The following ATP9A variants were observed in gnomAD, a reference collection of about 807,000 sequenced individuals.
ATP9A encodes ATPase phospholipid transporting 9A, also known as probable phospholipid-transporting ATPase IIA.
A neutral mutation model predicts 144.1 loss-of-function variants in ATP9A; 52 were observed. That is an observed-to-expected ratio of 0.36 (90% CI 0.29 to 0.45). ATP9A has a LOEUF of 0.45. Ranked by LOEUF, ATP9A falls within the 20% of genes least tolerant of loss-of-function variation. The pLI is 1.00. For missense variants in ATP9A, 947 were observed against 1,392.7 expected, an observed-to-expected ratio of 0.68 and a Z score of 5.09; for synonymous variants, 582 against 557.4, an observed-to-expected ratio of 1.04 and a Z score of -0.62.
chr20:51,693,685 A>G (rs571848817), intron 7 of ATP9A, among the ~76,000 whole-genome samples: 2 of 152,284 alleles, frequency 1.3e-5, no homozygotes, highest in Admixed American at 1.3e-4. Context: ...CTACAGGTGC[A>G]TGCCGCTGAG....
intron 14 of ATP9A, among the ~76,000 whole-genome samples, chr20:51,654,004 A>G (rs1190917973): frequency 6.6e-6 from 1 of 152,192 alleles, no homozygotes; most frequent in Non-Finnish European, 1.5e-5. Flanking sequence ...CTGCCAAGCC[A>G]CAGAAAGAAG....
intron 26 of ATP9A, among the ~76,000 whole-genome samples, chr20:51,606,996 G>A (rs1002213651): frequency 2.0e-5 from 3 of 150,692 alleles, no homozygotes; most frequent in African/African-American, 7.3e-5. Context: ...AGGATTCTGG[G>A]CATGGTGGCT....
intron 14 of ATP9A, among the ~76,000 whole-genome samples, chr20:51,645,353 C>G (rs1211225687): frequency 6.6e-6 from 1 of 152,164 alleles, no homozygotes; most frequent in Non-Finnish European, 1.5e-5. Context: ...AACCCTGTCT[C>G]TACTAAAGAT....
At chr20:51,684,740 G>C (rs1168912283) in intron 9 of ATP9A, among the ~76,000 whole-genome samples, 2 of 150,354 alleles carry the variant, frequency 1.3e-5, no homozygotes, top group Non-Finnish European at 3.0e-5. Context: ...CCTGGGCGCG[G>C]TGGCTCACGC....
intron 1 of ATP9A, among the ~76,000 whole-genome samples, chr20:51,732,064 G>A (rs1172774071): frequency 6.6e-6 from 1 of 152,046 alleles, no homozygotes; most frequent in Admixed American, 6.6e-5. Context: ...TTTCCCAAGA[G>A]GACAGCTCAT....
intron 9 of ATP9A, among the ~76,000 whole-genome samples, chr20:51,678,379 TAA>T (rs1481632843): frequency 1.5e-4 from 23 of 152,076 alleles, no homozygotes; most frequent in Non-Finnish European, 3.4e-4. Flanking sequence ...ACATCTGCAG[TAA>T]AGAGCCCGCC....
chr20:51,615,693 T>C (rs2122716757), intron 22 of ATP9A, among the ~76,000 whole-genome samples: 1 of 152,328 alleles, frequency 6.6e-6, no homozygotes, highest in African/African-American at 2.4e-5. Flanking sequence ...CAGAGTGCAG[T>C]GGCACAATCT....
chr20:51,744,687 T>G (rs907547771), intron 1 of ATP9A, among the ~76,000 whole-genome samples: 3 of 152,158 alleles, frequency 2.0e-5, no homozygotes, highest in Non-Finnish European at 4.4e-5. Context: ...AACCATCATC[T>G]CTGCTGGGAG....
chr20:51,702,286 T>C (rs1249411447), intron 4 of ATP9A, among the ~76,000 whole-genome samples: 12 of 124,784 alleles, frequency 9.6e-5, no homozygotes, highest in African/African-American at 3.5e-4. Context: ...TGCAAGACTC[T>C]GTCTCAAAAA....
rs779350151 is a variant in ATP9A, at chr20:51,618,936, A to C, written c.2205+18T>G. 4.6e-5 allele frequency: 75 copies of C among 1,613,308 alleles called. 1 individual carries two copies. The highest frequency in any genetic ancestry group is 6.0e-5 in the Non-Finnish European group (71 of 1,179,454). On this transcript the variant is annotated intron_variant, in intron 20 of 27. Transcript: ENST00000338821. ...CAGGCTGCTGGGAGGACTGGCTCTC[A>C]GGGGTCCCCAAGCTCACCTCCAGGG...
At chr20:51,760,569 C>T (rs112385796) in intron 1 of ATP9A, among the ~76,000 whole-genome samples, 29,357 of 151,370 alleles carry the variant, frequency 0.19, 3,310 homozygotes, top group East Asian at 0.31. Context: ...TCTACTAAAA[C>T]TACAAAAATT....
At chr20:51,615,091 G>T (rs1240362758) in intron 22 of ATP9A, among the ~76,000 whole-genome samples, 5 of 144,026 alleles carry the variant, frequency 3.5e-5, no homozygotes. Flanking sequence ...GGGTGCCTGG[G>T]GGGGCGGGGC....
At chr20:51,646,541 G>A (rs949103144) in intron 14 of ATP9A, among the ~76,000 whole-genome samples, 2 of 152,300 alleles carry the variant, frequency 1.3e-5, no homozygotes, top group South Asian at 2.1e-4. Flanking sequence ...GGCAGTGGTT[G>A]CAGGTTCAAA....
chr20:51,670,089 T>C lies in ATP9A; in HGVS notation c.1201A>G (p.Met401Val), dbSNP rs1197992026. 9 of 1,614,140 alleles carry C rather than the reference T, an allele frequency of 5.6e-6. No individual in the cohort carries two copies. The highest frequency in any genetic ancestry group is 7.6e-6 in the Non-Finnish European group (9 of 1,179,986). Reference sequence around the variant, plus strand: ...CCGAGATGGAGCCGTTTGAAAATCATCTCGTTCTGGGTAAGAGTGCCTAAA... The same window carrying C: ...CCGAGATGGAGCCGTTTGAAAATCACCTCGTTCTGGGTAAGAGTGCCTAAA... ...DKTGTLTQNE[M>V]IFKRLHLGTV... is the part of the protein sequence containing the mutation. Residue 401 changes from methionine to valine, a missense_variant, in exon 13 of 28, where the codon ATG (methionine) becomes GTG (valine). Physicochemically the swap from Met to Val is conservative, Grantham distance 21. Coordinates refer to ENST00000338821, the MANE Select transcript of ATP9A (RefSeq NM_006045.3).
At chr20:51,728,156 C>A (rs1329820085) in intron 2 of ATP9A, among the ~76,000 whole-genome samples, 1 of 152,098 alleles carries the variant, frequency 6.6e-6, no homozygotes, top group East Asian at 1.9e-4. Context: ...GCCTCTTGAG[C>A]CACTCTGGTG....
At chr20:51,634,579 G>A (rs148442457) in intron 15 of ATP9A, among the ~76,000 whole-genome samples, 2 of 152,080 alleles carry the variant, frequency 1.3e-5, no homozygotes, top group Non-Finnish European at 2.9e-5. Context: ...ACATAGGGCC[G>A]AGCGTGGCGG....
At chr20:51,729,165 G>C (rs576225239) in intron 2 of ATP9A, among the ~76,000 whole-genome samples, 1 of 152,242 alleles carries the variant, frequency 6.6e-6, no homozygotes, top group East Asian at 1.9e-4. Flanking sequence ...TGTCATGATG[G>C]GGGGAAATTT....
At chr20:51,713,899 A>T (rs575197683) in intron 3 of ATP9A, among the ~76,000 whole-genome samples, 1 of 152,198 alleles carries the variant, frequency 6.6e-6, no homozygotes, top group African/African-American at 2.4e-5. Context: ...CCTATCTGTA[A>T]TGTCTTCAGT....
At chr20:51,729,328 C>A (rs1199743474) in intron 2 of ATP9A, among the ~76,000 whole-genome samples, 1 of 151,890 alleles carries the variant, frequency 6.6e-6, no homozygotes, top group Non-Finnish European at 1.5e-5. Context: ...GGCAGGTGCC[C>A]CCTCCACCCC....
Sources: gnomAD v4.1 joint callset for allele counts (sites outside exome capture counted in the v4.1 genomes callset) on GRCh38, gnomAD v4.1.1 for gene constraint, MANE v1.5 for transcripts, NCBI Gene and HGNC (gene_info 2026-07-23, HGNC 2026-07-21) for gene names.